The following TNR variants were observed in gnomAD, a reference collection of about 807,000 sequenced individuals.
TNR encodes tenascin R.
A neutral mutation model predicts 150.4 loss-of-function variants in TNR; 45 were observed. The ratio of observed to expected loss-of-function variants is 0.30; its 90% CI spans 0.24 to 0.38. The LOEUF (loss-of-function observed/expected upper bound fraction) is 0.38. Among genes scored for constraint, TNR ranks in the 10% least tolerant of loss-of-function variants. TNR has a pLI of 1.00. For synonymous variants in TNR, 687 were observed against 678.4 expected, an observed-to-expected ratio of 1.01 and a Z score of -0.20; for missense variants, 1,544 against 1,759.1, an observed-to-expected ratio of 0.88 and a Z score of 2.19.
At chr1:175,688,359 A>G (rs1420015683) in intron 1 of TNR, among the ~76,000 whole-genome samples, 1 of 152,230 alleles carries the variant, frequency 6.6e-6, no homozygotes, top group Non-Finnish European at 1.5e-5. Flanking sequence ...GGAGGCAGTG[A>G]GCTTTCTAAA....
chr1:175,554,960 G>A (rs1661092607), intron 1 of TNR, among the ~76,000 whole-genome samples: 1 of 152,206 alleles, frequency 6.6e-6, no homozygotes, highest in African/African-American at 2.4e-5. Context: ...GGAAGGGCTA[G>A]GCTAGAACAC....
At chr1:175,515,243 C>G (rs988092124) in intron 2 of TNR, among the ~76,000 whole-genome samples, 9 of 152,180 alleles carry the variant, frequency 5.9e-5, no homozygotes, top group African/African-American at 2.2e-4. Context: ...TATGCCCAGC[C>G]TTGACAATAT....
chr1:175,391,544 A>G, intron 6 of TNR, 106 bp from the exon 7 acceptor site: 1 of 1,304,450 alleles, frequency 7.7e-7, no homozygotes, highest in Non-Finnish European at 1.0e-6. Flanking sequence ...TTGTGAATTT[A>G]AAATGGGGGC....
chr1:175,430,664 C>T (rs1418339175), intron 2 of TNR, among the ~76,000 whole-genome samples: 2 of 152,174 alleles, frequency 1.3e-5, no homozygotes, highest in Non-Finnish European at 2.9e-5. Flanking sequence ...TTCCATGCTC[C>T]TTCCACTGTA....
At chr1:175,553,845 C>CACACACACACAA (rs1282632549) in intron 1 of TNR, among the ~76,000 whole-genome samples, 116 of 151,634 alleles carry the variant, frequency 7.6e-4, no homozygotes, top group African/African-American at 2.7e-3. Flanking sequence ...CACACACACA[C>CACACACACACAA]ACAAACAATA....
At chr1:175,691,493 C>G (rs1161247037) in intron 1 of TNR, among the ~76,000 whole-genome samples, 1 of 152,122 alleles carries the variant, frequency 6.6e-6, no homozygotes, top group African/African-American at 2.4e-5. Context: ...CACAGAGAGG[C>G]TACTCAAAAG....
chr1:175,605,767 G>A (rs1234564918), intron 1 of TNR, among the ~76,000 whole-genome samples: 1 of 151,972 alleles, frequency 6.6e-6, no homozygotes, highest in Admixed American at 6.5e-5. Context: ...ACTGCTCTAA[G>A]GAATTGCTGG....
At chr1:175,490,959 A>G (rs1658220533) in intron 2 of TNR, among the ~76,000 whole-genome samples, 1 of 152,230 alleles carries the variant, frequency 6.6e-6, no homozygotes, top group Non-Finnish European at 1.5e-5. Flanking sequence ...GCAAAGACAT[A>G]TAATTAACCT....
chr1:175,642,393 C>T (rs1369105814), intron 1 of TNR, among the ~76,000 whole-genome samples: 1 of 152,170 alleles, frequency 6.6e-6, no homozygotes, highest in Non-Finnish European at 1.5e-5. Flanking sequence ...CAGGGAGTCA[C>T]AGGAGATTCT....
intron 1 of TNR, among the ~76,000 whole-genome samples, chr1:175,687,589 T>C (rs1042107631): frequency 6.6e-6 from 1 of 152,068 alleles, no homozygotes; most frequent in African/African-American, 2.4e-5. Flanking sequence ...TTTCTAGACA[T>C]AGTTAACCCC....
chr1:175,489,577 T>G (rs1658156577), intron 2 of TNR, among the ~76,000 whole-genome samples: 1 of 152,280 alleles, frequency 6.6e-6, no homozygotes, highest in South Asian at 2.1e-4. Context: ...TGTGGTCTCT[T>G]TGCCCTGGGA....
intron 1 of TNR, among the ~76,000 whole-genome samples, chr1:175,582,619 A>G (rs1558020007): frequency 6.6e-6 from 1 of 152,198 alleles, no homozygotes; most frequent in Non-Finnish European, 1.5e-5. Context: ...GTGAGCCAAG[A>G]GGCCTTTACC....
intron 10 of TNR, among the ~76,000 whole-genome samples, chr1:175,366,700 CTT>C (rs2102014849): frequency 6.6e-6 from 1 of 152,348 alleles, no homozygotes; most frequent in East Asian, 1.9e-4. Flanking sequence ...GCTGAAATGA[CTT>C]TGAAATTTAC....
At chr1:175,721,728 A>T (rs1233599841) in intron 1 of TNR, among the ~76,000 whole-genome samples, 1 of 151,684 alleles carries the variant, frequency 6.6e-6, no homozygotes, top group South Asian at 2.1e-4. Flanking sequence ...TAGCTCCCCA[A>T]CCCTGTTCAC....
chr1:175,727,587 C>T (rs1399356294), intron 1 of TNR, among the ~76,000 whole-genome samples: 1 of 152,170 alleles, frequency 6.6e-6, no homozygotes, highest in African/African-American at 2.4e-5. Context: ...TATCAGAACA[C>T]ATTTCTATGC....
chr1:175,535,287 A>G (rs923841835), intron 1 of TNR, among the ~76,000 whole-genome samples: 42 of 152,226 alleles, frequency 2.8e-4, no homozygotes, highest in African/African-American at 9.6e-4. Context: ...TCCTACCTGC[A>G]GCAGATTCAG....
chr1:175,589,909 A>G (rs1450005663), intron 1 of TNR, among the ~76,000 whole-genome samples: 1 of 152,210 alleles, frequency 6.6e-6, no homozygotes, highest in African/African-American at 2.4e-5. Context: ...TGACGGATTA[A>G]TGGGTGCAGC....
chr1:175,723,555 T>C (rs1472062570), intron 1 of TNR, among the ~76,000 whole-genome samples: 1 of 152,234 alleles, frequency 6.6e-6, no homozygotes, highest in African/African-American at 2.4e-5. Context: ...GGTTAGAATA[T>C]ATACGTATGT....
Position 175,356,359 on chromosome 1 carries a change from T to C in TNR, c.3078A>G (p.Gly1026=), listed in dbSNP as rs2102006686. The C allele has an allele frequency of 2.5e-6, 4 of 1,613,854 alleles. No individual in the cohort carries two copies. The highest frequency in any genetic ancestry group is 2.5e-6 in the Non-Finnish European group (3 of 1,179,906). Residue 1026 remains glycine (G), a synonymous_variant, in exon 16 of 23, where the codon GGA becomes GGG. Coordinates refer to ENST00000367674, the MANE Select transcript of TNR (RefSeq NM_003285.3). The part of the protein sequence containing the change: ...HYTATMYATN[G]PLTSGTISTN... ...TGCTGATGGTGCCACTGGTGAGAGG[T>C]CCATTGGTGGCATACATGGTGGCAG...
Sources: gnomAD v4.1 joint callset for allele counts (sites outside exome capture counted in the v4.1 genomes callset) on GRCh38, gnomAD v4.1.1 for gene constraint, MANE v1.5 for transcripts, NCBI Gene and HGNC (gene_info 2026-07-23, HGNC 2026-07-21) for gene names.